Variants in PSG1 observed in about 807,000 individuals in gnomAD.
PSG1 encodes the protein pregnancy specific beta-1-glycoprotein 1.
A neutral mutation model predicts 41.4 loss-of-function variants in PSG1; 60 were observed. The ratio of observed to expected loss-of-function variants is 1.45; its 90% CI spans 1.18 to 1.80. PSG1 has a LOEUF of 1.80. Ranked by LOEUF, PSG1 falls within the 40% of genes most tolerant of loss-of-function variation. The pLI, the probability that PSG1 is intolerant of heterozygous loss-of-function variation, is 0.00. For synonymous variants in PSG1, 256 were observed against 192.9 expected (o/e 1.33, Z -2.71); for missense variants, 806 against 516.9 (o/e 1.56, Z -5.42).
At chr19:42,871,237 A>C (rs1483159475) in intron 3 of PSG1, among the ~76,000 whole-genome samples, 1 of 151,590 alleles carries the variant, frequency 6.6e-6, no homozygotes, top group East Asian at 1.9e-4. Context: ...GATTGCTGGA[A>C]CTTCCCAGCA....
rs149410315 is a variant in PSG1, at chr19:42,866,851, G to T, written c.*283C>A. ...CATGAGCAAGGACAGTTAAGAGGGG[G>T]GAGAGCCTCATCATGATGGGGAGTC... On this transcript the variant is annotated 3_prime_UTR_variant, in exon 6 of 6. Transcript: ENST00000436291. 801 of 627,248 alleles carry T rather than the reference G, an allele frequency of 1.3e-3. 20 individuals carry two copies. Among genetic ancestry groups the T allele is most frequent in the East Asian group, 0.011 (380 of 36,072 alleles). The allele number at this position is 627,248 out of a possible 1,614,324, so 38.9% of individuals were successfully genotyped here.
intron 3 of PSG1, chr19:42,869,915 A>C (rs987983000): frequency 6.6e-6 from 1 of 151,770 alleles, no homozygotes; most frequent in Non-Finnish European, 1.5e-5. Context: ...CTCATGAACC[A>C]TGTGTGTTTG....
rs146429580 is a variant in PSG1, at chr19:42,878,232, C to A, written c.111G>T (p.Thr37=). 1 of 1,610,858 alleles carries A rather than the reference C, an allele frequency of 6.2e-7. No homozygotes were observed. The highest frequency in any genetic ancestry group is 1.3e-5 in the African/African-American group (1 of 74,614). Residue 37 remains threonine (T), a synonymous_variant, in exon 2 of 6, where the codon ACG becomes ACT. Coordinates refer to ENST00000436291, the MANE Select transcript of PSG1 (RefSeq NM_001184825.2). ...AAACTTTGGTTGGCTCGGCTTCAAT[C>A]GTGACTTGGGCAGTGGTGGGCAGGT... ...FWNLPTTAQV[T]IEAEPTKVSE...
Position 42,869,024 on chromosome 19 carries a change from G to C in PSG1, c.720C>G (p.Pro240=). ...PVTLNLLPKL[P]KPYITINNLN... is the part of the protein sequence containing the mutation. ...AGTTGTTGATGGTGATGTAGGGCTTGGGCAGCTTCGCTGTGTGGATAACAG... is the reference window on the plus strand; with the variant it reads ...AGTTGTTGATGGTGATGTAGGGCTTCGGCAGCTTCGCTGTGTGGATAACAG... The change falls in exon 4 of 6, where the codon CCC becomes CCG. Residue 240 remains proline (P), a synonymous_variant. Transcript: ENST00000436291. The C allele has an allele frequency of 6.2e-7, 1 of 1,609,798 alleles. No homozygotes were observed. Among genetic ancestry groups the C allele is most frequent in the Non-Finnish European group, 8.5e-7 (1 of 1,178,544 alleles).
At position 42,871,347 on chromosome 19, in the gene PSG1, G is replaced by A. The variant is rs573997632; in HGVS notation, c.709+420C>T. 1.7e-3 allele frequency among the ~76,000 whole-genome samples: 260 copies of A among 151,680 alleles called. 10 individuals carry two copies. The highest frequency in any genetic ancestry group is 5.6e-3 in the African/African-American group (232 of 41,346). On this transcript the variant is annotated intron_variant, in intron 3 of 5. Coordinates refer to ENST00000436291, the MANE Select transcript of PSG1 (RefSeq NM_001184825.2). ...TAGGTGTATGAGGAAGAAATGGTGG[G>A]GGCATCCAGGCCATGTGGAGTAAAG...
Position 42,879,585 on chromosome 19 carries a change from C to G in PSG1, c.-4G>C. ...GAGGGGCTGAGAGGGTTCCCATGGT[C>G]TCTGCTGCTTGTGTGTTCTCCTCTG... On this transcript the variant is annotated 5_prime_UTR_variant, in exon 1 of 6. Coordinates refer to ENST00000436291, the MANE Select transcript of PSG1 (RefSeq NM_001184825.2). The G allele has an allele frequency of 1.2e-6, 2 of 1,610,284 alleles. No individual in the cohort carries two copies. The highest frequency in any genetic ancestry group is 1.7e-6 in the Non-Finnish European group (2 of 1,178,070).
intron 2 of PSG1, among the ~76,000 whole-genome samples, chr19:42,877,072 T>G (rs199881540): frequency 6.6e-6 from 1 of 151,802 alleles, no homozygotes; most frequent in African/African-American, 2.4e-5. Context: ...AAATGTTAAA[T>G]TATTCACAGT....
rs960193038 is a variant in PSG1, at chr19:42,877,447, C to A, written c.430+466G>T. Among the ~76,000 whole-genome samples the A allele has an allele frequency of 2.0e-5, 3 of 151,584 alleles. 1 individual carries two copies. Among genetic ancestry groups the A allele is most frequent in the African/African-American group, 7.3e-5 (3 of 41,216 alleles). ...AATCCTTGGTCCCAGTAAGCCCTGC[C>A]CAAGAAGCCACAACCCAGTCCCAGC... On this transcript the variant is annotated intron_variant, in intron 2 of 5. Transcript: ENST00000436291.
At chr19:42,871,550 G>A (rs573861077) in intron 3 of PSG1, among the ~76,000 whole-genome samples, 2 of 151,728 alleles carry the variant, frequency 1.3e-5, no homozygotes, top group East Asian at 1.9e-4. Flanking sequence ...ACAAGCTGTG[G>A]ACCCTGAGTC....
chr19:42,868,375 G>A lies in PSG1; in HGVS notation c.989-20C>T. 1 of 1,594,916 alleles carries A rather than the reference G, an allele frequency of 6.3e-7. No individual in the cohort carries two copies. Among genetic ancestry groups the A allele is most frequent in the Non-Finnish European group, 8.6e-7 (1 of 1,167,944 alleles). Reference sequence around the variant, plus strand: ...GACCATCTGGAGCAAAGAGAATAAAGCCACAGGTGATGTCATCTGAGGGAA... The same window carrying A: ...GACCATCTGGAGCAAAGAGAATAAAACCACAGGTGATGTCATCTGAGGGAA... On this transcript the variant is annotated intron_variant, in intron 4 of 5. Transcript: ENST00000436291.
rs770126764 is a variant in PSG1 at position 42,868,071 on chromosome 19, C to T, written c.1243+30G>A. Reference sequence around the variant, plus strand: ...TGCCAGATAGACTCCACCTAAAACCCTATTGCCAACGATGCTGGGATCCAC... The same window carrying T: ...TGCCAGATAGACTCCACCTAAAACCTTATTGCCAACGATGCTGGGATCCAC... On this transcript the variant is annotated intron_variant, in intron 5 of 5. Coordinates refer to ENST00000436291, the MANE Select transcript of PSG1 (RefSeq NM_001184825.2). 1.9e-6 allele frequency: 3 copies of T among 1,612,090 alleles called. No homozygotes were observed. Among genetic ancestry groups the T allele is most frequent in the Non-Finnish European group, 2.5e-6 (3 of 1,179,070 alleles).
intron 2 of PSG1, among the ~76,000 whole-genome samples, chr19:42,877,161 C>A (rs564239392): frequency 4.7e-4 from 72 of 151,772 alleles, no homozygotes; most frequent in African/African-American, 1.7e-3. Flanking sequence ...GAGAAAGCAC[C>A]TTTACGTCAG....
chr19:42,874,594 G>A lies in PSG1; in HGVS notation c.431-2549C>T, dbSNP rs549296619. 1.3e-5 allele frequency among the ~76,000 whole-genome samples: 2 copies of A among 151,846 alleles called. 1 individual carries two copies. The highest frequency in any genetic ancestry group is 4.2e-4 in the South Asian group (2 of 4,784). ...ATCTCTTGACCTTGTGCCCGCCTCG[G>A]CCTCCCAAAGTGCTGGGATTATAGG... On this transcript the variant is annotated intron_variant, in intron 2 of 5. Transcript: ENST00000436291.
chr19:42,874,244 T>G (rs1057304535), intron 2 of PSG1: 1 of 151,790 alleles, frequency 6.6e-6, no homozygotes, highest in Non-Finnish European at 1.5e-5. Flanking sequence ...ACTTTCCTGT[T>G]TCAGTTTTGG....
chr19:42,878,315 C>T (rs936651111), intron 1 of PSG1, 37 bp from the exon 2 acceptor site: 4 of 1,575,186 alleles, frequency 2.5e-6, no homozygotes, highest in Middle Eastern at 1.7e-4. Flanking sequence ...ATATTGAGAC[C>T]TATGTATTGG....
Position 42,873,443 on chromosome 19 carries a change from A to T in PSG1, c.431-1398T>A, listed in dbSNP as rs1353716657. 5.9e-5 allele frequency among the ~76,000 whole-genome samples: 9 copies of T among 151,566 alleles called. 1 individual carries two copies. Among genetic ancestry groups the T allele is most frequent in the African/African-American group, 1.9e-4 (8 of 41,260 alleles). On this transcript the variant is annotated intron_variant, in intron 2 of 5. Transcript: ENST00000436291. ...TGTAACAGTGTAATTTTTCCGTAAA[A>T]ATTTGTCAGGAGTTTAGACCTCATG... is the stretch of plus-strand genomic sequence containing the variant.
At position 42,877,346 on chromosome 19, in the gene PSG1, G is replaced by T. The variant is rs535442581; in HGVS notation, c.430+567C>A. 8.1e-4 allele frequency among the ~76,000 whole-genome samples: 123 copies of T among 151,706 alleles called. 4 individuals carry two copies. Among genetic ancestry groups the T allele is most frequent in the African/African-American group, 2.1e-3 (85 of 41,352 alleles). On this transcript the variant is annotated intron_variant, in intron 2 of 5. Coordinates refer to ENST00000436291, the MANE Select transcript of PSG1 (RefSeq NM_001184825.2). ...TATCAGGTGAAGAAAGCTCTGTCCT[G>T]GCCCAGATGAGGCTCTGAGGGCTGA...
chr19:42,873,850 C>T lies in PSG1; in HGVS notation c.431-1805G>A, dbSNP rs1971493668. 2.0e-5 allele frequency among the ~76,000 whole-genome samples: 3 copies of T among 151,500 alleles called. 1 individual carries two copies. On this transcript the variant is annotated intron_variant, in intron 2 of 5. Transcript: ENST00000436291. ...GCAGAGTTAGGAAAAATGGGGAGGA[C>T]CTCAAAACAGGTATGTGAAATGCTT...
Position 42,876,055 on chromosome 19 carries a change from C to G in PSG1, c.430+1858G>C, listed in dbSNP as rs534571466. On this transcript the variant is annotated intron_variant, in intron 2 of 5. Coordinates refer to ENST00000436291, the MANE Select transcript of PSG1 (RefSeq NM_001184825.2). ...ACTCCAGATGATTTCTGTGCCTTTC[C>G]TCTTTCCTGGGAGGTGGGCCAGGCC... Among the ~76,000 whole-genome samples, 52 of 151,462 alleles carry G rather than the reference C, an allele frequency of 3.4e-4. 1 individual carries two copies. Among genetic ancestry groups the G allele is most frequent in the African/African-American group, 1.3e-3 (52 of 41,296 alleles).
Sources: allele counts gnomAD v4.1 joint callset (sites outside exome capture counted in the v4.1 genomes callset), GRCh38; gene constraint gnomAD v4.1.1; transcripts MANE v1.5; gene names NCBI Gene and HGNC (gene_info 2026-07-23, HGNC 2026-07-21).